PCDH11X: variants seen among roughly 807,000 people sequenced by gnomAD.
PCDH11X encodes the protein protocadherin-11 X-linked.
Under a neutral mutation model 53.3 loss-of-function variants are expected in PCDH11X, and 18 were observed. The ratio of observed to expected loss-of-function variants is 0.34; its 90% confidence interval spans 0.23 to 0.50. PCDH11X has a LOEUF of 0.50. PCDH11X is among the 20% of genes least tolerant of loss of function. PCDH11X has a pLI of 0.98. For synonymous variants in PCDH11X, 279 were observed against 393.3 expected, an observed-to-expected ratio of 0.71 and a Z score of 3.44; for missense variants, 570 against 1,032.4, an observed-to-expected ratio of 0.55 and a Z score of 6.14.
At chrX:92,412,319 G>A (rs1268738652) in intron 9 of PCDH11X, among the ~76,000 whole-genome samples, 1 of 107,704 alleles carries the variant, frequency 9.3e-6, no homozygotes, top group Non-Finnish European at 1.9e-5. Flanking sequence ...GCTTTCAGAA[G>A]GTGAGACTTT....
chrX:92,306,328 T>C (rs1272622011), intron 8 of PCDH11X, among the ~76,000 whole-genome samples: 1 of 104,921 alleles, frequency 9.5e-6, no homozygotes, highest in Admixed American at 1.0e-4. Context: ...CATAAAGAAT[T>C]AGAGAAAGAA....
chrX:92,468,570 T>C (rs945494261), intron 10 of PCDH11X, among the ~76,000 whole-genome samples: 1 of 108,992 alleles, frequency 9.2e-6, no homozygotes, highest in Non-Finnish European at 1.9e-5. Context: ...ATAAAATAAA[T>C]GTGACTCTAT....
At chrX:92,313,899 A>G (rs1229217332) in intron 8 of PCDH11X, among the ~76,000 whole-genome samples, 1 of 111,481 alleles carries the variant, frequency 9.0e-6, no homozygotes, top group African/African-American at 3.3e-5. Context: ...ACCATGAATG[A>G]GCTTGCAGGC....
chrX:92,364,049 C>T lies in PCDH11X; in HGVS notation c.3145-23686C>T, dbSNP rs750713520. On this transcript the variant is annotated intron_variant, in intron 8 of 10. Transcript: ENST00000682573. ...GTGTGTAACCTTTTTAATATATTGT[C>T]GAATTCTGTTTTAAAGTATTTTGTT... 7.2e-5 allele frequency among the ~76,000 whole-genome samples: 8 copies of T among 111,159 alleles called. No homozygotes were observed. The East Asian group carries it at 1.7e-3, about 24-fold the overall frequency.
chrX:92,520,120 T>G (rs192871392), intron 10 of PCDH11X, among the ~76,000 whole-genome samples: 1 of 110,219 alleles, frequency 9.1e-6, no homozygotes, highest in Non-Finnish European at 1.9e-5. Flanking sequence ...GGAATCAACA[T>G]TAACACTTAA....
intron 1 of PCDH11X, among the ~76,000 whole-genome samples, chrX:91,780,224 G>T (rs1044866769): frequency 5.4e-5 from 6 of 111,354 alleles, no homozygotes; most frequent in African/African-American, 2.0e-4. Flanking sequence ...AACCCTTGAG[G>T]GTACGACCCT....
At chrX:92,464,567 T>G (rs899396622) in intron 9 of PCDH11X, among the ~76,000 whole-genome samples, 37 of 110,751 alleles carry the variant, frequency 3.3e-4, no homozygotes, top group African/African-American at 1.2e-3. Flanking sequence ...CTTTATAAAT[T>G]ACCCAGTCTT....
chrX:92,484,504 G>A (rs923176813), intron 10 of PCDH11X, among the ~76,000 whole-genome samples: 17 of 106,938 alleles, frequency 1.6e-4, no homozygotes, highest in South Asian at 1.2e-3. Context: ...CCAGAATAAG[G>A]TGGTATCATA....
In PCDH11X at chrX:91,966,661, A is replaced by G. The variant is rs1350704934; in HGVS notation, c.3033+87388A>G. Among the ~76,000 whole-genome samples the G allele has an allele frequency of 5.3e-4, 59 of 111,602 alleles. 1 individual carries two copies. Among genetic ancestry groups the G allele is most frequent in the Non-Finnish European group, 1.0e-3 (55 of 53,100 alleles). On this transcript the variant is annotated intron_variant, in intron 6 of 10. Transcript: ENST00000682573. ...AAAGTAAAATTTAAAAAATAAATAA[A>G]ATAAAATAATAAAATTGCCTTTCAA...
chrX:92,304,311 G>A (rs1201607243), intron 8 of PCDH11X, among the ~76,000 whole-genome samples: 2 of 111,024 alleles, frequency 1.8e-5, no homozygotes, highest in Non-Finnish European at 1.9e-5. Flanking sequence ...TCTTGCCATC[G>A]TTGAAGACTT....
At chrX:92,070,997 G>A (rs1305075918) in intron 6 of PCDH11X, among the ~76,000 whole-genome samples, 2 of 109,205 alleles carry the variant, frequency 1.8e-5, no homozygotes, top group Non-Finnish European at 3.8e-5. Flanking sequence ...AGTAAAGATG[G>A]GGTTTCACCA....
chrX:92,138,457 T>C (rs183190563), intron 6 of PCDH11X, among the ~76,000 whole-genome samples: 255 of 111,042 alleles, frequency 2.3e-3, no homozygotes, highest in African/African-American at 8.1e-3. Flanking sequence ...AATTCTATAA[T>C]TTAAAAATTA....
intron 10 of PCDH11X, among the ~76,000 whole-genome samples, chrX:92,603,841 T>C (rs1926493709): frequency 9.6e-6 from 1 of 104,031 alleles, no homozygotes; most frequent in Non-Finnish European, 2.0e-5. Flanking sequence ...ATATTGGCAG[T>C]AAAAGCAATT....
intron 10 of PCDH11X, among the ~76,000 whole-genome samples, chrX:92,597,622 A>C (rs1361757473): frequency 2.7e-5 from 3 of 111,932 alleles, no homozygotes; most frequent in African/African-American, 9.7e-5. Flanking sequence ...CTACAGATTT[A>C]ATGTAATCCC....
chrX:92,127,766 C>G (rs1283669662), intron 6 of PCDH11X, among the ~76,000 whole-genome samples: 1 of 110,566 alleles, frequency 9.0e-6, no homozygotes, highest in Non-Finnish European at 1.9e-5. Context: ...CATGATCTGC[C>G]CACCTCAGCC....
chrX:92,557,501 A>AT (rs1464697796), intron 10 of PCDH11X, among the ~76,000 whole-genome samples: 1 of 111,126 alleles, frequency 9.0e-6, no homozygotes, highest in Non-Finnish European at 1.9e-5. Context: ...TACCCAAGAA[A>AT]TTTTTTATCT....
At chrX:92,559,540 A>T (rs1416598272) in intron 10 of PCDH11X, among the ~76,000 whole-genome samples, 1 of 111,500 alleles carries the variant, frequency 9.0e-6, no homozygotes, top group Non-Finnish European at 1.9e-5. Flanking sequence ...TCATTAAAAG[A>T]GGCACTGAGG....
chrX:92,013,069 T>C (rs755833230), intron 6 of PCDH11X, among the ~76,000 whole-genome samples: 206 of 111,062 alleles, frequency 1.9e-3, no homozygotes, highest in African/African-American at 6.6e-3. Flanking sequence ...GGTATTCAAT[T>C]AGGAAAAGAG....
intron 6 of PCDH11X, among the ~76,000 whole-genome samples, chrX:92,104,479 T>A (rs1252800562): frequency 9.0e-6 from 1 of 110,989 alleles, no homozygotes; most frequent in Non-Finnish European, 1.9e-5. Context: ...CATTTGCCCA[T>A]TTTACAACAA....
Sources: gnomAD v4.1 joint callset for allele counts (sites outside exome capture counted in the v4.1 genomes callset) on GRCh38, gnomAD v4.1.1 for gene constraint, MANE v1.5 for transcripts, NCBI Gene and HGNC (gene_info 2026-07-23, HGNC 2026-07-21) for gene names.